The following MSI2 variants were observed in gnomAD, a reference collection of about 807,000 sequenced individuals.
MSI2 encodes RNA-binding protein Musashi homolog 2.
MSI2 carries 17 observed loss-of-function variants against 45.6 expected under a neutral mutation model. The observed-to-expected ratio is 0.37, with a 90% confidence interval of 0.26 to 0.56. The LOEUF is 0.56. Ranked by LOEUF, MSI2 falls within the 20% of genes least tolerant of loss-of-function variation. MSI2 has a pLI of 0.77. For synonymous variants in MSI2, 156 were observed against 158.2 expected (o/e 0.99, Z 0.11); for missense variants, 293 against 444.2 (o/e 0.66, Z 3.06).
chr17:57,318,991 C>G (rs1326554684), intron 5 of MSI2, among the ~76,000 whole-genome samples: 1 of 152,204 alleles, frequency 6.6e-6, no homozygotes, highest in Non-Finnish European at 1.5e-5. Flanking sequence ...GGCCCCCTGC[C>G]TTTAGGTGTG....
chr17:57,394,942 A>C (rs1420356009), intron 5 of MSI2, among the ~76,000 whole-genome samples: 1 of 152,272 alleles, frequency 6.6e-6, no homozygotes, highest in Non-Finnish European at 1.5e-5. Flanking sequence ...GGTTTAAGAA[A>C]TAGAAATATA....
chr17:57,503,941 G>T (rs563985965), intron 6 of MSI2, among the ~76,000 whole-genome samples: 2 of 152,212 alleles, frequency 1.3e-5, no homozygotes, highest in East Asian at 3.9e-4. Flanking sequence ...GATGCATGTT[G>T]GTCACGCTGG....
In MSI2 at chr17:57,574,875, G is replaced by A. The variant is rs561805533; in HGVS notation, c.455-21993G>A. 3.2e-4 allele frequency among the ~76,000 whole-genome samples: 46 copies of A among 142,134 alleles called. No individual in the cohort carries two copies. The South Asian group carries it at 6.6e-3, about 20-fold the overall frequency. The allele number at this position is 142,134 out of a possible 152,430, so 93.2% of individuals were successfully genotyped here. A position where few individuals can be genotyped will look rare whatever the true frequency, so the allele number is the denominator to read the frequency against. ...AGACGGAGTCTCGCTCTGTCGCCCA[G>A]GCTGGAGTGCAGTGGCACGATCTCA... On this transcript the variant is annotated intron_variant, in intron 7 of 13. Transcript: ENST00000284073.
chr17:57,496,689 C>T (rs2085986945), intron 6 of MSI2, among the ~76,000 whole-genome samples: 1 of 152,200 alleles, frequency 6.6e-6, no homozygotes, highest in African/African-American at 2.4e-5. Context: ...GGCTCCAGCG[C>T]ATTCATTCTC....
At chr17:57,576,391 G>A (rs1003388657) in intron 7 of MSI2, among the ~76,000 whole-genome samples, 3 of 152,318 alleles carry the variant, frequency 2.0e-5, no homozygotes, top group East Asian at 1.9e-4. Flanking sequence ...ATGAATGTTT[G>A]TTGTAGGAAT....
chr17:57,544,013 A>G (rs1011583709), intron 7 of MSI2, among the ~76,000 whole-genome samples: 3 of 152,184 alleles, frequency 2.0e-5, no homozygotes, highest in Non-Finnish European at 4.4e-5. Context: ...CATCTTAATG[A>G]CTATTTTCAG....
intron 5 of MSI2, among the ~76,000 whole-genome samples, chr17:57,375,739 C>T (rs1225972232): frequency 1.3e-5 from 2 of 152,156 alleles, no homozygotes; most frequent in African/African-American, 4.8e-5. Flanking sequence ...CTCTGAGATA[C>T]AGCCATTTCG....
chr17:57,564,324 G>T (rs958083511), intron 7 of MSI2, among the ~76,000 whole-genome samples: 1 of 152,220 alleles, frequency 6.6e-6, no homozygotes, highest in East Asian at 1.9e-4. Context: ...CAATGGTATG[G>T]CCGTGGCTTG....
chr17:57,469,874 G>A (rs555816303), intron 6 of MSI2, among the ~76,000 whole-genome samples: 1 of 152,312 alleles, frequency 6.6e-6, no homozygotes, highest in East Asian at 1.9e-4. Flanking sequence ...CAGCTGCATG[G>A]CCCACGGGCC....
At chr17:57,621,316 C>T (rs758301438) in intron 9 of MSI2, among the ~76,000 whole-genome samples, 22 of 152,184 alleles carry the variant, frequency 1.4e-4, no homozygotes, top group Non-Finnish European at 2.9e-4. Flanking sequence ...GTTAACTAAC[C>T]AATGAAATTA....
chr17:57,503,412 G>C (rs2086158998), intron 6 of MSI2, among the ~76,000 whole-genome samples: 1 of 152,176 alleles, frequency 6.6e-6, no homozygotes, highest in Non-Finnish European at 1.5e-5. Context: ...TTAACAGTGG[G>C]TGATTTGTAT....
chr17:57,393,609 T>G (rs2083835194), intron 5 of MSI2, among the ~76,000 whole-genome samples: 1 of 152,348 alleles, frequency 6.6e-6, no homozygotes, highest in Non-Finnish European at 1.5e-5. Context: ...GACATAGGTT[T>G]TAATTTCTCT....
intron 7 of MSI2, among the ~76,000 whole-genome samples, chr17:57,574,725 C>T (rs2087970045): frequency 6.6e-6 from 1 of 152,136 alleles, no homozygotes; most frequent in Non-Finnish European, 1.5e-5. Flanking sequence ...CATCTATCTT[C>T]TACCAACTAC....
intron 5 of MSI2, among the ~76,000 whole-genome samples, chr17:57,399,362 A>G (rs959911001): frequency 4.6e-5 from 7 of 152,238 alleles, no homozygotes; most frequent in African/African-American, 1.7e-4. Flanking sequence ...TAGGTGGTAT[A>G]CTGAGTTGTT....
intron 5 of MSI2, among the ~76,000 whole-genome samples, chr17:57,308,213 A>C (rs1912078123): frequency 6.6e-6 from 1 of 152,194 alleles, no homozygotes; most frequent in Non-Finnish European, 1.5e-5. Flanking sequence ...GGCATGTAGT[A>C]AGTCATGCGA....
chr17:57,323,779 A>C (rs143207322), intron 5 of MSI2, among the ~76,000 whole-genome samples: 1 of 152,320 alleles, frequency 6.6e-6, no homozygotes, highest in African/African-American at 2.4e-5. Flanking sequence ...ATCATGGGGT[A>C]GCTATGTGTG....
At chr17:57,382,326 A>G (rs769254855) in intron 5 of MSI2, among the ~76,000 whole-genome samples, 5 of 152,184 alleles carry the variant, frequency 3.3e-5, no homozygotes, top group Non-Finnish European at 7.4e-5. Context: ...GAGAAGGTCT[A>G]GGGAGTGCTG....
chr17:57,684,916 G>A (rs202160559), downstream of MSI2, among the ~76,000 whole-genome samples: 12 of 152,304 alleles, frequency 7.9e-5, no homozygotes, highest in African/African-American at 1.9e-4. Context: ...AAGAGCAGAC[G>A]GGAGAGGGGT....
chr17:57,654,498 G>A (rs530275578), intron 11 of MSI2, among the ~76,000 whole-genome samples: 25 of 152,344 alleles, frequency 1.6e-4, no homozygotes, highest in South Asian at 1.2e-3. Context: ...TGGCCTCTCC[G>A]TGGCAAAAGC....
Sources: gnomAD v4.1 joint callset for allele counts (sites outside exome capture counted in the v4.1 genomes callset) on GRCh38, gnomAD v4.1.1 for gene constraint, MANE v1.5 for transcripts, NCBI Gene and HGNC (gene_info 2026-07-23, HGNC 2026-07-21) for gene names.